Variants in PPFIA2 observed in about 807,000 individuals in gnomAD.
PPFIA2 encodes PPFI scaffold protein A2, also known as liprin-alpha-2.
In PPFIA2, 46 loss-of-function variants were observed where a neutral mutation model predicts 175.5. That is an observed-to-expected ratio of 0.26 (90% CI 0.21 to 0.34). The LOEUF is 0.34. Ranked by LOEUF, PPFIA2 falls within the 10% of genes least tolerant of loss-of-function variation. The probability of loss-of-function intolerance (pLI) is 1.00; values close to 1 mark genes in which losing one functional copy is unlikely to be tolerated. For synonymous variants in PPFIA2, 568 were observed against 511.4 expected (o/e 1.11, Z -1.49); for missense variants, 1,179 against 1,506.1 (o/e 0.78, Z 3.60).
intron 4 of PPFIA2, among the ~76,000 whole-genome samples, chr12:81,557,455 C>G (rs1359033382): frequency 6.6e-6 from 1 of 151,888 alleles, no homozygotes; most frequent in Admixed American, 6.6e-5. Flanking sequence ...CAATTTCAAA[C>G]TTACTTTGGT....
At position 81,541,466 on chromosome 12, in the gene PPFIA2, A is replaced by C. The variant is rs186233328; in HGVS notation, c.304-83600T>G. On this transcript the variant is annotated intron_variant, in intron 4 of 32. Coordinates refer to ENST00000549396, the MANE Select transcript of PPFIA2 (RefSeq NM_003625.5). ...GGTAGGAAGTCAAGAACCAAAGGAAAACTATAAACTCAAAGAAGAAATATG... is the reference window on the plus strand; with the variant it reads ...GGTAGGAAGTCAAGAACCAAAGGAACACTATAAACTCAAAGAAGAAATATG... 1.0e-3 allele frequency among the ~76,000 whole-genome samples: 158 copies of C among 152,272 alleles called. No homozygotes were observed. In the East Asian group the frequency reaches 0.019, roughly 18 times the overall value.
chr12:81,698,682 T>C (rs752038419), intron 3 of PPFIA2, among the ~76,000 whole-genome samples: 35 of 152,038 alleles, frequency 2.3e-4, no homozygotes, highest in Non-Finnish European at 3.5e-4. Context: ...ATTTTGGCCA[T>C]TCCCTATGCC....
chr12:81,453,715 A>G (rs1474708868), intron 5 of PPFIA2, among the ~76,000 whole-genome samples: 1 of 152,138 alleles, frequency 6.6e-6, no homozygotes, highest in Non-Finnish European at 1.5e-5. Flanking sequence ...TCTTAATTTA[A>G]TAACTTGAGG....
chr12:81,280,555 A>G (rs1469636896), intron 27 of PPFIA2, among the ~76,000 whole-genome samples: 1 of 152,146 alleles, frequency 6.6e-6, no homozygotes, highest in Non-Finnish European at 1.5e-5. Context: ...ACTTATCACC[A>G]CAATCAACTT....
At chr12:81,302,830 T>A (rs1048510010) in intron 22 of PPFIA2, 10 of 318,018 alleles carry the variant, frequency 3.1e-5, no homozygotes. Flanking sequence ...TATCTAGGCA[T>A]GTTGGTTTGA....
chr12:81,353,237 C>T lies in PPFIA2; in HGVS notation c.1876G>A (p.Asp626Asn), dbSNP rs775177787. 6.2e-7 allele frequency: 1 copy of T among 1,613,758 alleles called. No individual in the cohort carries two copies. Among genetic ancestry groups the T allele is most frequent in the Non-Finnish European group, 8.5e-7 (1 of 1,179,770 alleles). Residue 626 changes from aspartate (D) to asparagine (N), a missense_variant, in exon 17 of 33, where the codon GAT (aspartate) becomes AAT (asparagine). This residue lies in a region of PPFIA2 where 186 missense variants were observed against 163.6 expected (regional missense o/e 1.14). Transcript: ENST00000549396. ...GAGCTAAAAATTGTTTCTCTGTCAT[C>T]ATCATCAATATCAGACATTTCAGTG... ...SDTEMSDIDD[D>N]DRETIFSSMD... is the part of the protein sequence containing the mutation.
intron 24 of PPFIA2, among the ~76,000 whole-genome samples, chr12:81,285,929 C>T (rs2043220276): frequency 6.6e-6 from 1 of 151,956 alleles, no homozygotes; most frequent in South Asian, 2.1e-4. Context: ...CATTGATATC[C>T]TAGGAGATGA....
At chr12:81,460,065 A>C (rs2145873264) in intron 4 of PPFIA2, among the ~76,000 whole-genome samples, 1 of 152,142 alleles carries the variant, frequency 6.6e-6, no homozygotes, top group Non-Finnish European at 1.5e-5. Context: ...ATTTAGAGGT[A>C]CCCTTTTTCC....
At chr12:81,361,288 A>G (rs550820113) in intron 15 of PPFIA2, among the ~76,000 whole-genome samples, 1 of 151,806 alleles carries the variant, frequency 6.6e-6, no homozygotes, top group South Asian at 2.1e-4. Flanking sequence ...TGCTTATTCT[A>G]TGCATTGACT....
chr12:81,462,254 C>CATATATAT (rs71871906), intron 4 of PPFIA2, among the ~76,000 whole-genome samples: 47 of 132,858 alleles, frequency 3.5e-4, no homozygotes, highest in East Asian at 2.7e-3. Context: ...GCTTTTCTAA[C>CATATATAT]ATATATATAT....
In PPFIA2 at chr12:81,629,885, AC is replaced by A. The variant is rs1441546882; in HGVS notation, c.303+46905del. On this transcript the variant is annotated intron_variant, in intron 4 of 32. Coordinates refer to ENST00000549396, the MANE Select transcript of PPFIA2 (RefSeq NM_003625.5). Reference sequence around the variant, plus strand: ...CTAATCCCTGAAGCCTGTATGTGTTACTTTATATGGCCAAAAAAGTTTACAG... The same window carrying A: ...CTAATCCCTGAAGCCTGTATGTGTTATTTATATGGCCAAAAAAGTTTACAG... Among the ~76,000 whole-genome samples, 3 of 152,192 alleles carry A rather than the reference AC, an allele frequency of 2.0e-5. No homozygotes were observed. The East Asian group carries it at 5.8e-4, about 29-fold the overall frequency.
chr12:81,494,351 C>T (rs909672937), intron 4 of PPFIA2, among the ~76,000 whole-genome samples: 3 of 152,092 alleles, frequency 2.0e-5, no homozygotes, highest in African/African-American at 7.2e-5. Context: ...AAATGCTCAC[C>T]ATCACTGGCC....
At position 81,325,709 on chromosome 12, in the gene PPFIA2, A is replaced by C. The variant is rs552012114; in HGVS notation, c.2642+68T>G. 6.5e-5 allele frequency: 75 copies of C among 1,154,584 alleles called. No homozygotes were observed. The African/African-American group carries it at 9.9e-4, about 15-fold the overall frequency. The allele number at this position is 1,154,584 out of a possible 1,614,324, so 71.5% of individuals were successfully genotyped here. ...TTTTGTTTCCAACCACTCTCTTTTT[A>C]ATTCCCTATAAATAATAATAAGGAA... On this transcript the variant is annotated intron_variant, in intron 22 of 32. Coordinates refer to ENST00000549396, the MANE Select transcript of PPFIA2 (RefSeq NM_003625.5).
intron 4 of PPFIA2, among the ~76,000 whole-genome samples, chr12:81,482,817 C>T (rs1474868885): frequency 6.6e-6 from 1 of 151,996 alleles, no homozygotes; most frequent in Admixed American, 6.6e-5. Flanking sequence ...TGTAGCAAAC[C>T]ACCATGGCAC....
At chr12:81,590,072 G>A (rs1395603683) in intron 4 of PPFIA2, among the ~76,000 whole-genome samples, 3 of 152,034 alleles carry the variant, frequency 2.0e-5, no homozygotes, top group Non-Finnish European at 4.4e-5. Flanking sequence ...CCATTCATAA[G>A]CATGAATGCA....
chr12:81,482,881 T>C (rs1291912741), intron 4 of PPFIA2, among the ~76,000 whole-genome samples: 1 of 126,156 alleles, frequency 7.9e-6, no homozygotes, highest in Non-Finnish European at 1.8e-5. Flanking sequence ...CCAGAACTTA[T>C]ATATATATAT....
intron 4 of PPFIA2, among the ~76,000 whole-genome samples, chr12:81,562,757 G>A (rs1407370665): frequency 1.4e-5 from 2 of 140,734 alleles, no homozygotes; most frequent in Non-Finnish European, 3.0e-5. Flanking sequence ...TGAGGCAGGA[G>A]AATGGCGTGA....
In PPFIA2 at chr12:81,638,682, C is replaced by CTTTTTTTTTT. The variant is rs869311003; in HGVS notation, c.303+38099_303+38108dup. Among the ~76,000 whole-genome samples the CTTTTTTTTTT allele has an allele frequency of 8.3e-5, 6 of 72,680 alleles. 1 individual carries two copies. Among genetic ancestry groups the CTTTTTTTTTT allele is most frequent in the African/African-American group, 1.6e-4 (3 of 18,436 alleles). 47.7% of individuals were successfully genotyped at this position (72,680 alleles called of 152,430 possible). A position where few individuals can be genotyped will look rare whatever the true frequency, so the allele number is the denominator to read the frequency against. On this transcript the variant is annotated intron_variant, in intron 4 of 32. Transcript: ENST00000549396. Reference sequence around the variant, plus strand: ...ATTTTCTTGTTTTGTCATAAATTTTCTTTTTTTTTTTTTTTTTTTTTTTGA... The same window carrying CTTTTTTTTTT: ...ATTTTCTTGTTTTGTCATAAATTTTCTTTTTTTTTTTTTTTTTTTTTTTTTTTTTTTTTGA...
intron 4 of PPFIA2, among the ~76,000 whole-genome samples, chr12:81,663,083 C>T (rs2069277193): frequency 6.6e-6 from 1 of 151,922 alleles, no homozygotes; most frequent in African/African-American, 2.4e-5. Flanking sequence ...ATGACAAACC[C>T]ACAGCCAATA....
Sources: gnomAD v4.1 joint callset for allele counts (sites outside exome capture counted in the v4.1 genomes callset) on GRCh38, gnomAD v4.1.1 for gene constraint, gnomAD v4.1.1 regional missense constraint, MANE v1.5 for transcripts, NCBI Gene and HGNC (gene_info 2026-07-23, HGNC 2026-07-21) for gene names.